The following SDK1 variants were observed in gnomAD, a reference collection of about 807,000 sequenced individuals.
The protein encoded by SDK1 is protein sidekick-1.
A neutral mutation model predicts 245.5 loss-of-function variants in SDK1; 157 were observed. The observed-to-expected ratio is 0.64, with a 90% confidence interval of 0.56 to 0.73. The LOEUF (loss-of-function observed/expected upper bound fraction) is 0.73, where lower values mean the gene tolerates loss of function less well. Ranked by LOEUF, SDK1 falls within the 30% of genes least tolerant of loss-of-function variation. The pLI, the probability that SDK1 is intolerant of heterozygous loss-of-function variation, is 0.00. For missense variants in SDK1, 3,583 were observed against 3,002.3 expected, an observed-to-expected ratio of 1.19 and a Z score of -4.52; for synonymous variants, 1,647 against 1,278.5, an observed-to-expected ratio of 1.29 and a Z score of -6.15.
chr7:3,962,615 G>A, intron 8 of SDK1, 42 bp from the exon 9 acceptor site: 1 of 1,492,098 alleles, frequency 6.7e-7, no homozygotes, highest in Non-Finnish European at 9.1e-7. Flanking sequence ...TCTCACGTCA[G>A]GAATTATTTT....
At chr7:3,997,886 G>C (rs1013002038) in intron 14 of SDK1, among the ~76,000 whole-genome samples, 3 of 152,198 alleles carry the variant, frequency 2.0e-5, no homozygotes, top group Non-Finnish European at 2.9e-5. Context: ...CCCTGACTTT[G>C]CCCCCAGATC....
intron 5 of SDK1, among the ~76,000 whole-genome samples, chr7:3,834,224 C>T (rs1193390412): frequency 6.6e-6 from 1 of 152,190 alleles, no homozygotes; most frequent in African/African-American, 2.4e-5. Flanking sequence ...ACTCAGACTA[C>T]AGTTCTGCTA....
intron 14 of SDK1, among the ~76,000 whole-genome samples, chr7:4,003,215 C>G (rs566399816): frequency 6.6e-6 from 1 of 152,348 alleles, no homozygotes; most frequent in South Asian, 2.1e-4. Flanking sequence ...CCTTCCACTG[C>G]AGGTTCCACG....
intron 19 of SDK1, among the ~76,000 whole-genome samples, chr7:4,065,322 G>T (rs546141094): frequency 6.6e-6 from 1 of 152,128 alleles, no homozygotes; most frequent in Non-Finnish European, 1.5e-5. Flanking sequence ...CCAAAGCTCC[G>T]AGGAAATGAG....
At chr7:3,460,106 A>G (rs1780788204) in intron 1 of SDK1, among the ~76,000 whole-genome samples, 1 of 152,188 alleles carries the variant, frequency 6.6e-6, no homozygotes, top group African/African-American at 2.4e-5. Context: ...TGACATTATT[A>G]TTTTCATAAA....
intron 4 of SDK1, among the ~76,000 whole-genome samples, chr7:3,777,067 C>T (rs1381514509): frequency 6.6e-6 from 1 of 152,174 alleles, no homozygotes; most frequent in East Asian, 1.9e-4. Context: ...ATATTTTTCT[C>T]TAAAATCTAT....
chr7:4,211,184 A>T (rs939056197), intron 38 of SDK1, among the ~76,000 whole-genome samples: 19 of 152,360 alleles, frequency 1.2e-4, no homozygotes, highest in Admixed American at 1.2e-3. Context: ...GCTATCGTTC[A>T]TCTCCACACT....
intron 1 of SDK1, among the ~76,000 whole-genome samples, chr7:3,425,579 A>G (rs1180388848): frequency 6.6e-6 from 1 of 152,246 alleles, no homozygotes; most frequent in African/African-American, 2.4e-5. Flanking sequence ...ATGGAAAACA[A>G]ATTTATATAG....
intron 28 of SDK1, among the ~76,000 whole-genome samples, chr7:4,141,937 A>G (rs1460276701): frequency 6.6e-6 from 1 of 152,096 alleles, no homozygotes; most frequent in African/African-American, 2.4e-5. Flanking sequence ...TTGTATTTTT[A>G]GTAGAGGCGG....
Position 4,234,370 on chromosome 7 carries a change from G to A in SDK1, c.5992+951G>A, listed in dbSNP as rs555868713. Among the ~76,000 whole-genome samples, 8 of 152,294 alleles carry A rather than the reference G, an allele frequency of 5.3e-5. No homozygotes were observed. In the East Asian group the frequency reaches 7.7e-4, roughly 15 times the overall value. On this transcript the variant is annotated intron_variant, in intron 41 of 44. Coordinates refer to ENST00000404826, the MANE Select transcript of SDK1 (RefSeq NM_152744.4). ...AAGGCCAGGGCAGGGCTTCCTCCCC[G>A]AGAGCACCCGTGTTAGATGACAGAC...
intron 1 of SDK1, among the ~76,000 whole-genome samples, chr7:3,563,997 AAGAC>A (rs1168381221): frequency 7.9e-5 from 12 of 152,170 alleles, no homozygotes; most frequent in African/African-American, 2.7e-4. Context: ...TTAGAACTGA[AAGAC>A]AGTGAAAACA....
intron 1 of SDK1, among the ~76,000 whole-genome samples, chr7:3,392,317 A>T (rs549730225): frequency 9.9e-5 from 15 of 152,028 alleles, no homozygotes; most frequent in Non-Finnish European, 1.6e-4. Flanking sequence ...TATTTAATTC[A>T]TGTCATTCGT....
intron 1 of SDK1, among the ~76,000 whole-genome samples, chr7:3,588,456 C>G (rs1293605634): frequency 1.3e-5 from 2 of 152,118 alleles, no homozygotes; most frequent in Non-Finnish European, 2.9e-5. Context: ...GAAAATTCAC[C>G]TCTGAAAGCC....
At chr7:3,561,330 G>C (rs2128626212) in intron 1 of SDK1, among the ~76,000 whole-genome samples, 1 of 152,312 alleles carries the variant, frequency 6.6e-6, no homozygotes, top group East Asian at 1.9e-4. Flanking sequence ...ACACATCTGA[G>C]CTGCTTTCCT....
chr7:3,663,014 G>A (rs1210374129), intron 4 of SDK1, among the ~76,000 whole-genome samples: 6 of 152,216 alleles, frequency 3.9e-5, no homozygotes, highest in Non-Finnish European at 5.9e-5. Context: ...ATGCATAGAT[G>A]TGTATGCATA....
chr7:4,091,993 C>T (rs1436061725), intron 22 of SDK1, among the ~76,000 whole-genome samples: 2 of 152,082 alleles, frequency 1.3e-5, no homozygotes, highest in South Asian at 2.1e-4. Context: ...TGACAAGCAG[C>T]GAGCAGAACA....
At chr7:3,430,032 C>G (rs1779792166) in intron 1 of SDK1, among the ~76,000 whole-genome samples, 2 of 152,340 alleles carry the variant, frequency 1.3e-5, no homozygotes, top group East Asian at 1.9e-4. Context: ...TATTACATTT[C>G]AAGTGCCAAC....
intron 25 of SDK1, among the ~76,000 whole-genome samples, chr7:4,119,341 G>A (rs559858198): frequency 6.7e-6 from 1 of 148,226 alleles, no homozygotes; most frequent in African/African-American, 2.5e-5. Context: ...TGTAGTCCCA[G>A]CTACTTGGGA....
chr7:3,755,119 C>G (rs1243688178), intron 4 of SDK1, among the ~76,000 whole-genome samples: 1 of 152,138 alleles, frequency 6.6e-6, no homozygotes, highest in Non-Finnish European at 1.5e-5. Context: ...TCAAAGGCAG[C>G]CAGAGGGGTG....
Sources: allele counts gnomAD v4.1 joint callset (sites outside exome capture counted in the v4.1 genomes callset), GRCh38; gene constraint gnomAD v4.1.1; transcripts MANE v1.5; gene names NCBI Gene and HGNC (gene_info 2026-07-23, HGNC 2026-07-21).